Variants in WDR11 observed in about 807,000 individuals in gnomAD.
The protein encoded by WDR11 is WD repeat domain 11, also known as WD repeat-containing protein 11.
In WDR11, 83 loss-of-function variants were observed where a neutral mutation model predicts 151.2. The observed-to-expected ratio is 0.55, with a 90% confidence interval of 0.46 to 0.66. WDR11 has a LOEUF of 0.66. Among genes scored for constraint, WDR11 ranks in the 30% least tolerant of loss-of-function variants. The pLI is 0.00. For synonymous variants in WDR11, 484 were observed against 533.1 expected (o/e 0.91, Z 1.27); for missense variants, 1,301 against 1,480.9 (o/e 0.88, Z 1.99).
intron 2 of WDR11, chr10:120,856,098 G>A (rs1416298825): frequency 6.6e-6 from 1 of 152,072 alleles, no homozygotes; most frequent in African/African-American, 2.4e-5. Flanking sequence ...GTTTCAGTCT[G>A]GTATTATATT....
chr10:120,888,784 C>A (rs1847313195), intron 16 of WDR11, among the ~76,000 whole-genome samples: 1 of 152,026 alleles, frequency 6.6e-6, no homozygotes. Flanking sequence ...GTTTTTCTTA[C>A]TTTAATTTCC....
chr10:120,867,866 G>A (rs767064518), intron 9 of WDR11, among the ~76,000 whole-genome samples: 3 of 151,936 alleles, frequency 2.0e-5, no homozygotes, highest in South Asian at 4.2e-4. Context: ...TTTATGTTGG[G>A]GATTCTTTCA....
intron 2 of WDR11, among the ~76,000 whole-genome samples, chr10:120,855,514 A>G (rs907151823): frequency 1.3e-5 from 2 of 151,702 alleles, no homozygotes; most frequent in Non-Finnish European, 2.9e-5. Context: ...ATGTAGTCCA[A>G]TTTATTATTT....
chr10:120,894,119 G>T (rs1385749526), intron 19 of WDR11, among the ~76,000 whole-genome samples: 1 of 151,650 alleles, frequency 6.6e-6, no homozygotes, highest in Non-Finnish European at 1.5e-5. Flanking sequence ...GTATTGCCTA[G>T]GTTTTCTTCT....
At chr10:120,871,685 A>T (rs1337516369) in intron 10 of WDR11, among the ~76,000 whole-genome samples, 1 of 152,114 alleles carries the variant, frequency 6.6e-6, no homozygotes, top group African/African-American at 2.4e-5. Context: ...CCCAGTCTTT[A>T]TGTCATGTCA....
chr10:120,903,045 T>C lies in WDR11; in HGVS notation c.2754-10T>C. Reference sequence around the variant, plus strand: ...TGAGTGCAGTCAAAACTTTGCTTCATCCTTGCCAGGCTCTATGGTGATGAA... The same window carrying C: ...TGAGTGCAGTCAAAACTTTGCTTCACCCTTGCCAGGCTCTATGGTGATGAA... On this transcript the variant is annotated splice_polypyrimidine_tract_variant and intron_variant, in intron 22 of 28. Coordinates refer to ENST00000263461, the MANE Select transcript of WDR11 (RefSeq NM_018117.12). 6.2e-7 allele frequency: 1 copy of C among 1,613,660 alleles called. No homozygotes were observed. Among genetic ancestry groups the C allele is most frequent in the East Asian group, 2.2e-5 (1 of 44,884 alleles).
rs539654279 is a variant in WDR11 at position 120,868,848 on chromosome 10, A to G, written c.1294+1679A>G. 2.0e-5 allele frequency: 3 copies of G among 152,310 alleles called. No individual in the cohort carries two copies. The East Asian group carries it at 5.8e-4, about 29-fold the overall frequency. 9.4% of individuals were successfully genotyped at this position (152,310 alleles called of 1,614,324 possible). A position where few individuals can be genotyped will look rare whatever the true frequency, so the allele number is the denominator to read the frequency against. ...CTTTTGTTCAGTGATACTTACTATT[A>G]TATCTAAAATTATTTCTCTCCACTA... is the stretch of plus-strand genomic sequence containing the variant. On this transcript the variant is annotated intron_variant, in intron 9 of 28. Transcript: ENST00000263461.
chr10:120,903,319 AAACT>A, intron 23 of WDR11, 87 bp downstream of exon 23: 1 of 1,502,114 alleles, frequency 6.7e-7, no homozygotes, highest in Non-Finnish European at 9.1e-7. Context: ...GGAAACTTTC[AAACT>A]AAGTTACTGT....
In WDR11 at chr10:120,871,185, C is replaced by T; in HGVS notation, c.1310C>T (p.Ala437Val). The T allele has an allele frequency of 3.1e-6, 5 of 1,614,076 alleles. No homozygotes were observed. The South Asian group carries it at 4.4e-5, about 14-fold the overall frequency. Reference sequence around the variant, plus strand: ...TACAAATCAGGGCAAAGTGCAATTGCTGGGGAAGAACATCCCAGAGGTTCA... The same window carrying T: ...TACAAATCAGGGCAAAGTGCAATTGTTGGGGAAGAACATCCCAGAGGTTCA... ...LDNMIGQSAI[A>V]GEEHPRGSIL... Residue 437 changes from alanine (A) to valine (V), a missense_variant, in exon 10 of 29, where the codon GCT becomes GTT. Coordinates refer to ENST00000263461, the MANE Select transcript of WDR11 (RefSeq NM_018117.12).
chr10:120,880,842 T>C lies in WDR11; in HGVS notation c.1680T>C (p.Phe560=), dbSNP rs981418355. Residue 560 remains phenylalanine, a synonymous_variant, in exon 13 of 29, where the codon TTT becomes TTC. Transcript: ENST00000263461. The part of the protein sequence containing the change: ...VDLPTGRSIA[F]RGERGNDESA... ...CAATTAAAGGTAGGAGCATTGCTTT[T>C]CGTGGTGAAAGAGGCAATGATGAAT... The C allele has an allele frequency of 6.2e-7, 1 of 1,605,156 alleles. No homozygotes were observed.
At chr10:120,894,934 GT>G (rs5788452) in intron 19 of WDR11, among the ~76,000 whole-genome samples, 96,819 of 151,944 alleles carry the variant, frequency 0.64, 31,826 homozygotes, top group African/African-American at 0.81. Flanking sequence ...GAGGGAAGTA[GT>G]TAAGGGTCAC....
At chr10:120,856,038 A>C (rs1175655667) in intron 2 of WDR11, 1 of 152,218 alleles carries the variant, frequency 6.6e-6, no homozygotes, top group African/African-American at 2.4e-5. Flanking sequence ...CCTTTCCCCT[A>C]CACTGCCCCT....
rs1027136761 is a variant in WDR11 at position 120,867,101 on chromosome 10, C to G, written c.1226C>G (p.Ser409Cys). 4 of 1,613,786 alleles carry G rather than the reference C, an allele frequency of 2.5e-6. No homozygotes were observed. Among genetic ancestry groups the G allele is most frequent in the East Asian group, 4.5e-5 (2 of 44,834 alleles). Residue 409 changes from serine to cysteine, a missense_variant, in exon 9 of 29, where the codon TCT (serine) becomes TGT (cysteine). Physicochemically the swap from Ser to Cys is moderately radical, Grantham distance 112. Coordinates refer to ENST00000263461, the MANE Select transcript of WDR11 (RefSeq NM_018117.12). ...SGVSPLYSPV[S>C]FCGIPVGVLQ... Reference sequence around the variant, plus strand: ...GTGTCACCTTTATATTCACCAGTGTCTTTCTGTGGAATTCCTGTAGGAGTG... The same window carrying G: ...GTGTCACCTTTATATTCACCAGTGTGTTTCTGTGGAATTCCTGTAGGAGTG...
chr10:120,874,724 T>C (rs1317833219), intron 11 of WDR11, among the ~76,000 whole-genome samples: 1 of 152,166 alleles, frequency 6.6e-6, no homozygotes, highest in Non-Finnish European at 1.5e-5. Flanking sequence ...TCCATATCCC[T>C]GCAAAGGACA....
chr10:120,857,777 A>G (rs571872407), intron 2 of WDR11, among the ~76,000 whole-genome samples: 2 of 152,356 alleles, frequency 1.3e-5, no homozygotes, highest in South Asian at 4.1e-4. Context: ...ATTTAAATCT[A>G]CTTATTAAAC....
intron 1 of WDR11, chr10:120,852,182 C>G: frequency 6.2e-6 from 2 of 323,820 alleles, no homozygotes; most frequent in Non-Finnish European, 1.2e-5. Flanking sequence ...GCAGTATCCC[C>G]AGGCACATTG....
intron 2 of WDR11, among the ~76,000 whole-genome samples, chr10:120,853,441 A>G (rs1845638739): frequency 6.6e-6 from 1 of 151,920 alleles, no homozygotes; most frequent in Non-Finnish European, 1.5e-5. Flanking sequence ...AATTTTTTGT[A>G]TTTTTAGTAG....
intron 2 of WDR11, among the ~76,000 whole-genome samples, chr10:120,857,383 A>T (rs11199602): frequency 0.3 from 46,092 of 152,080 alleles, 7,388 homozygotes; most frequent in East Asian, 0.42. Flanking sequence ...GTTGCAAATT[A>T]TAGTGAGTAG....
intron 27 of WDR11, 124 bp downstream of exon 27, chr10:120,906,145 G>A: frequency 6.4e-7 from 1 of 1,567,854 alleles, no homozygotes; most frequent in Non-Finnish European, 8.6e-7. Flanking sequence ...TACATTTCAG[G>A]TTTGTCAAAA....
Sources: allele counts gnomAD v4.1 joint callset (sites outside exome capture counted in the v4.1 genomes callset), GRCh38; gene constraint gnomAD v4.1.1; transcripts MANE v1.5; gene names NCBI Gene and HGNC (gene_info 2026-07-23, HGNC 2026-07-21).